Variants in SLC38A11 observed in about 807,000 individuals in gnomAD.
SLC38A11 encodes the protein solute carrier family 38 member 11.
In SLC38A11, 51 loss-of-function variants were observed where a neutral mutation model predicts 49.4. The observed-to-expected ratio is 1.03, with a 90% CI of 0.83 to 1.30. The LOEUF (loss-of-function observed/expected upper bound fraction) is 1.30, where lower values mean the gene tolerates loss of function less well. Ranked by LOEUF, SLC38A11 falls within the 50% of genes most tolerant of loss-of-function variation. The probability of loss-of-function intolerance (pLI) is 0.00; values close to 1 mark genes in which losing one functional copy is unlikely to be tolerated. For synonymous variants in SLC38A11, 203 were observed against 192.9 expected (o/e 1.05, Z -0.43); for missense variants, 574 against 556.2 (o/e 1.03, Z -0.32).
intron 7 of SLC38A11, among the ~76,000 whole-genome samples, chr2:164,932,194 C>CA (rs1244119591): frequency 2.0e-5 from 3 of 152,058 alleles, no homozygotes; most frequent in Admixed American, 6.6e-5. Flanking sequence ...AAATGTGAAT[C>CA]AAAACCACAA....
At chr2:164,937,153 A>C (rs1687426737) in intron 7 of SLC38A11, among the ~76,000 whole-genome samples, 197 bp downstream of exon 7, 1 of 152,148 alleles carries the variant, frequency 6.6e-6, no homozygotes. Flanking sequence ...ACCTGGTTTA[A>C]TTCTATCAGC....
rs1446789432 is a variant in SLC38A11 at position 164,915,218 on chromosome 2, T to C, written c.744A>G (p.Thr248=). 6.8e-6 allele frequency: 11 copies of C among 1,612,304 alleles called. No individual in the cohort carries two copies. Among genetic ancestry groups the C allele is most frequent in the Non-Finnish European group, 8.5e-6 (10 of 1,178,908 alleles). Reference sequence around the variant, plus strand: ...GGATAAGGCGGGACCACTTAGCTACTGTGGGTTCTTCTAGAGAACTGTAAA... The same window carrying C: ...GGATAAGGCGGGACCACTTAGCTACCGTGGGTTCTTCTAGAGAACTGTAAA... The part of the protein sequence containing the change: ...FLVYSSLEEP[T]VAKWSRLIHM... Residue 248 remains threonine, a synonymous_variant, in exon 9 of 12, where the codon ACA becomes ACG. Transcript: ENST00000685975.
At chr2:164,924,402 C>T (rs1686422603) in intron 7 of SLC38A11, among the ~76,000 whole-genome samples, 1 of 152,240 alleles carries the variant, frequency 6.6e-6, no homozygotes, top group African/African-American at 2.4e-5. Context: ...ATAGTAATGA[C>T]GGGATCATTT....
chr2:164,914,249 A>G (rs1437272940), intron 9 of SLC38A11, among the ~76,000 whole-genome samples: 3 of 152,008 alleles, frequency 2.0e-5, no homozygotes, highest in Non-Finnish European at 4.4e-5. Context: ...ATAGACCTGC[A>G]AGAGCTGTGA....
rs889345481 is a variant in SLC38A11, at chr2:164,915,137, G to C, written c.825C>G (p.Tyr275Ter). The change falls in exon 9 of 12, where the codon TAC becomes TAG. Residue 275 changes from tyrosine (Y) to a stop codon, truncating the protein, a stop_gained. Coordinates refer to ENST00000685975, the MANE Select transcript of SLC38A11 (RefSeq NM_001351537.2). LOFTEE classifies it high-confidence loss of function. ...FICIFFATCG[Y>*]LTFTGFTQGD... ...CTTGGGTGAAGCCAGTAAATGTCAA[G>C]TATCCACATGTAGCAAAGAATATAC... 7 of 1,608,540 alleles carry C rather than the reference G, an allele frequency of 4.4e-6. No individual in the cohort carries two copies. The Admixed American group carries it at 6.8e-5, about 16-fold the overall frequency.
intron 7 of SLC38A11, among the ~76,000 whole-genome samples, chr2:164,935,391 C>G (rs955777402): frequency 1.3e-5 from 2 of 150,978 alleles, no homozygotes; most frequent in Middle Eastern, 3.2e-3. Context: ...TAATGTAGGC[C>G]AGGCATGGTG....
intron 7 of SLC38A11, among the ~76,000 whole-genome samples, chr2:164,936,101 C>A (rs1466074002): frequency 2.6e-5 from 4 of 151,944 alleles, no homozygotes; most frequent in Admixed American, 2.6e-4. Flanking sequence ...TCTGAGATGA[C>A]CAATACAACT....
rs1424135494 is a variant in SLC38A11 at position 164,908,760 on chromosome 2, A to T, written c.975T>A (p.Asn325Lys). The T allele has an allele frequency of 6.2e-7, 1 of 1,609,794 alleles. No individual in the cohort carries two copies. Among genetic ancestry groups the T allele is most frequent in the Non-Finnish European group, 8.5e-7 (1 of 1,177,772 alleles). Reference sequence around the variant, plus strand: ...ATGAAAGATTCCCACCAAAAAACACATTGGCAATTACCTGCCGAATAAACA... The same window carrying T: ...ATGAAAGATTCCCACCAAAAAACACTTTGGCAATTACCTGCCGAATAAACA... ...ECFVTREVIA[N>K]VFFGGNLSSV... Residue 325 changes from asparagine to lysine, a missense_variant, in exon 11 of 12, where the codon AAT (asparagine) becomes AAA (lysine). Asn to Lys is a moderately conservative substitution (Grantham distance 94). Coordinates refer to ENST00000685975, the MANE Select transcript of SLC38A11 (RefSeq NM_001351537.2).
chr2:164,905,204 G>A (rs902972553), intron 11 of SLC38A11, among the ~76,000 whole-genome samples: 13 of 151,776 alleles, frequency 8.6e-5, no homozygotes, highest in Non-Finnish European at 1.5e-4. Flanking sequence ...TGCAACTTCC[G>A]CCTCCTGGGT....
intron 8 of SLC38A11, 75 bp from the exon 9 acceptor site, chr2:164,915,348 A>G (rs1685707661): frequency 1.5e-6 from 2 of 1,329,290 alleles, no homozygotes; most frequent in African/African-American, 1.5e-5. Context: ...ATTCAGAGAT[A>G]TATACTACTT....
chr2:164,944,018 G>A (rs935769901), intron 5 of SLC38A11, among the ~76,000 whole-genome samples: 2 of 152,002 alleles, frequency 1.3e-5, no homozygotes, highest in Non-Finnish European at 2.9e-5. Context: ...ACCATGTCCT[G>A]CTAATATCTG....
At chr2:164,942,874 A>T (rs1276302503) in intron 5 of SLC38A11, among the ~76,000 whole-genome samples, 2 of 152,202 alleles carry the variant, frequency 1.3e-5, no homozygotes, top group Non-Finnish European at 2.9e-5. Flanking sequence ...ATTCTGATTC[A>T]TAATTTAGAG....
Position 164,931,163 on chromosome 2 carries a change from C to G in SLC38A11, c.617+6187G>C, listed in dbSNP as rs143853589. 8.5e-3 allele frequency among the ~76,000 whole-genome samples: 1,095 copies of G among 129,026 alleles called. 11 individuals carry two copies. The highest frequency in any genetic ancestry group is 0.032 in the African/African-American group (1,063 of 33,372). The allele number at this position is 129,026 out of a possible 152,430, so 84.6% of individuals were successfully genotyped here. A position where few individuals can be genotyped will look rare whatever the true frequency, so the allele number is the denominator to read the frequency against. ...GCAATCCATTCACAATTGCCACACA[C>G]AAAAAGTACCTAGGAATACAGCTAA... On this transcript the variant is annotated intron_variant, in intron 7 of 11. Coordinates refer to ENST00000685975, the MANE Select transcript of SLC38A11 (RefSeq NM_001351537.2).
Position 164,955,330 on chromosome 2 carries a change from C to A in SLC38A11, c.-83G>T. On this transcript the variant is annotated 5_prime_UTR_variant, in exon 1 of 12. Transcript: ENST00000685975. ...CCGGCCAGCCTCCTCCGCCACCTCG[C>A]ACACAGCCGAGGTCCGCGTGTAGCC... is the stretch of plus-strand genomic sequence containing the variant. The A allele has an allele frequency of 7.5e-7, 1 of 1,335,154 alleles. No individual in the cohort carries two copies. The highest frequency in any genetic ancestry group is 2.0e-5 in the Admixed American group (1 of 50,526). 82.7% of individuals were successfully genotyped at this position (1,335,154 alleles called of 1,614,324 possible).
At chr2:164,940,740 T>A (rs927266652) in intron 5 of SLC38A11, among the ~76,000 whole-genome samples, 14 of 149,344 alleles carry the variant, frequency 9.4e-5, no homozygotes, top group African/African-American at 3.2e-4. Context: ...TGTATATATA[T>A]GTATATGATG....
At chr2:164,953,683 A>C (rs1415028819) in intron 2 of SLC38A11, among the ~76,000 whole-genome samples, 3 of 152,204 alleles carry the variant, frequency 2.0e-5, no homozygotes, top group African/African-American at 7.2e-5. Context: ...ATCAAGAACC[A>C]TATTAACTTG....
chr2:164,911,212 T>C (rs995694455), intron 10 of SLC38A11, among the ~76,000 whole-genome samples: 1 of 152,210 alleles, frequency 6.6e-6, no homozygotes, highest in East Asian at 1.9e-4. Context: ...CTACAGTGCC[T>C]TTAATACATG....
chr2:164,908,680 G>A lies in SLC38A11; in HGVS notation c.1055C>T (p.Ser352Leu). The A allele has an allele frequency of 1.2e-6, 2 of 1,607,746 alleles. No individual in the cohort carries two copies. The highest frequency in any genetic ancestry group is 1.7e-5 in the Admixed American group (1 of 59,164). ...VMVITVATLV[S>L]LLIDCLGIVL... ...TATCCCGAGGCAATCAATCAGCAAT[G>A]ACACAAGCGTGGCTACAGTGATGAC... is the stretch of plus-strand genomic sequence containing the variant. The change falls in exon 11 of 12, where the codon TCA becomes TTA. Residue 352 changes from serine (S) to leucine (L), a missense_variant. Physicochemically the swap from Ser to Leu is moderately radical, Grantham distance 145. Transcript: ENST00000685975.
intron 4 of SLC38A11, 100 bp downstream of exon 4, chr2:164,945,493 C>T (rs1272089390): frequency 2.6e-6 from 3 of 1,132,162 alleles, no homozygotes; most frequent in East Asian, 2.8e-5. Context: ...ATTTCAACTG[C>T]TATAGTGATA....
Sources: gnomAD v4.1 joint callset for allele counts (sites outside exome capture counted in the v4.1 genomes callset) on GRCh38, gnomAD v4.1.1 for gene constraint, MANE v1.5 for transcripts, NCBI Gene and HGNC (gene_info 2026-07-23, HGNC 2026-07-21) for gene names.